Variants in GRIN1 observed in about 807,000 individuals in gnomAD.
The protein encoded by GRIN1 is glutamate ionotropic receptor NMDA type subunit 1, also known as glutamate receptor ionotropic, NMDA 1.
Under a neutral mutation model 103.0 loss-of-function variants are expected in GRIN1, and 38 were observed. The observed-to-expected ratio is 0.37, with a 90% CI of 0.28 to 0.48. The LOEUF (loss-of-function observed/expected upper bound fraction) is 0.48. Ranked by LOEUF, GRIN1 falls within the 20% of genes least tolerant of loss-of-function variation. The probability of loss-of-function intolerance (pLI) is 0.98; values close to 1 mark genes in which losing one functional copy is unlikely to be tolerated. For missense variants in GRIN1, 577 were observed against 1,288.9 expected, an observed-to-expected ratio of 0.45 and a Z score of 8.46; for synonymous variants, 544 against 532.7, an observed-to-expected ratio of 1.02 and a Z score of -0.29.
Position 137,149,098 on chromosome 9 carries a change from C to A in GRIN1, c.660C>A (p.Ile220=). The change falls in exon 4 of 20, where the codon ATC becomes ATA. Residue 220 remains isoleucine (I), a synonymous_variant. Transcript: ENST00000371561. ...AAGAGCTGGAGGCCCGGGTCATCAT[C>A]CTTTCTGCCAGGTGAGGCTGGGCAG... is the stretch of plus-strand genomic sequence containing the variant. ...EAKELEARVI[I]LSASEDDAAT... is the part of the protein sequence containing the mutation. 2 of 1,608,232 alleles carry A rather than the reference C, an allele frequency of 1.2e-6. No homozygotes were observed. The highest frequency in any genetic ancestry group is 1.7e-6 in the Non-Finnish European group (2 of 1,176,208).
rs563334379 is a variant in GRIN1 at position 137,144,518 on chromosome 9, G to A, written c.394-1208G>A. Among the ~76,000 whole-genome samples the A allele has an allele frequency of 2.3e-3, 354 of 152,210 alleles. 1 individual carries two copies. Among genetic ancestry groups the A allele is most frequent in the South Asian group, 7.9e-3 (38 of 4,820 alleles). On this transcript the variant is annotated intron_variant, in intron 2 of 19. Transcript: ENST00000371561. ...AAATACAAAAAAATTAGCCGGGCGTGGTGGCGGGCGCCTGTAGTCTCAGCT... is the reference window on the plus strand; with the variant it reads ...AAATACAAAAAAATTAGCCGGGCGTAGTGGCGGGCGCCTGTAGTCTCAGCT...
At chr9:137,144,480 C>T (rs1361897924) in intron 2 of GRIN1, among the ~76,000 whole-genome samples, 7 of 152,064 alleles carry the variant, frequency 4.6e-5, no homozygotes, top group East Asian at 1.9e-4. Flanking sequence ...CGGTGAAACC[C>T]CATCTCCACT....
intron 4 of GRIN1, among the ~76,000 whole-genome samples, chr9:137,153,678 C>A (rs1336981491): frequency 1.3e-5 from 2 of 152,186 alleles, no homozygotes; most frequent in Admixed American, 1.3e-4. Flanking sequence ...AGCACACATG[C>A]ACATACATCA....
intron 4 of GRIN1, among the ~76,000 whole-genome samples, chr9:137,154,688 G>A (rs897375747): frequency 3.3e-5 from 5 of 151,888 alleles, no homozygotes; most frequent in Non-Finnish European, 7.4e-5. Context: ...CTGACCTCAG[G>A]AGACCTGCCC....
intron 18 of GRIN1, chr9:137,164,328 T>C (rs1468583514): frequency 1.6e-5 from 5 of 303,412 alleles, no homozygotes; most frequent in African/African-American, 8.8e-5. Context: ...TGCTATGTCC[T>C]TGTGCTCCGT....
intron 19 of GRIN1, 65 bp from the exon 20 acceptor site, chr9:137,167,346 T>C (rs1377194001): frequency 4.5e-5 from 59 of 1,297,340 alleles, no homozygotes; most frequent in Non-Finnish European, 6.4e-5. Flanking sequence ...CACTGGGCGC[T>C]GAGGGCTGGG....
At chr9:137,158,887 A>T (rs1170057616) in intron 8 of GRIN1, among the ~76,000 whole-genome samples, 183 bp downstream of exon 8, 1 of 152,202 alleles carries the variant, frequency 6.6e-6, no homozygotes, top group Non-Finnish European at 1.5e-5. Context: ...AGAGAACAGG[A>T]GGGAGGAGAG....
At chr9:137,156,836 C>T in intron 5 of GRIN1, 27 bp from the exon 6 acceptor site, 2 of 1,607,582 alleles carry the variant, frequency 1.2e-6, no homozygotes, top group Non-Finnish European at 1.7e-6. Flanking sequence ...GAGGACCCCA[C>T]GGGCTCTGAG....
At chr9:137,154,134 TG>T (rs1429967596) in intron 4 of GRIN1, among the ~76,000 whole-genome samples, 2 of 141,786 alleles carry the variant, frequency 1.4e-5, no homozygotes, top group Admixed American at 7.1e-5. Context: ...TTTTTTTTTG[TG>T]TGTGTGTGTG....
rs1164133139 is a variant in GRIN1, at chr9:137,163,312, T to C, written c.2315T>C (p.Val772Ala). 6.2e-7 allele frequency: 1 copy of C among 1,613,554 alleles called. No individual in the cohort carries two copies. Among genetic ancestry groups the C allele is most frequent in the Non-Finnish European group, 8.5e-7 (1 of 1,179,910 alleles). Reference sequence around the variant, plus strand: ...AAAGACAGCCCCTGGAAGCAGAACGTCTCCCTGTCCATCCTCAAGTGAGTG... The same window carrying C: ...AAAGACAGCCCCTGGAAGCAGAACGCCTCCCTGTCCATCCTCAAGTGAGTG... ...MRKDSPWKQN[V>A]SLSILKSHEN... Residue 772 changes from valine to alanine, a missense_variant, in exon 16 of 20, where the codon GTC becomes GCC. Physicochemically the swap from Val to Ala is moderately conservative, Grantham distance 64. Around this residue, in one of 9 missense-constraint regions of GRIN1, gnomAD observed 59 missense variants for 161.3 expected, o/e 0.37. Transcript: ENST00000371561.
In GRIN1 at chr9:137,142,018, C is replaced by T. The variant is rs199679287; in HGVS notation, c.264C>T (p.Tyr88=). Residue 88 remains tyrosine, a synonymous_variant, in exon 2 of 20, where the codon TAC becomes TAT. Transcript: ENST00000371561. ...CATGTCTCCTGTGTCCACAGGTCTA[C>T]GCCATCCTAGTTAGCCATCCACCTA... ...VCEDLISSQV[Y]AILVSHPPTP... 7.3e-5 allele frequency: 118 copies of T among 1,614,048 alleles called. 1 individual carries two copies. The South Asian group carries it at 9.4e-4, about 13-fold the overall frequency.
Position 137,146,292 on chromosome 9 carries a change from TC to T in GRIN1, c.570+394del, listed in dbSNP as rs1218287017. ...CAGCAGCCTCCCTCTGGGCAAGGTCTCCCCTGTACACGACCCCCACATACCG... is the reference window on the plus strand; with the variant it reads ...CAGCAGCCTCCCTCTGGGCAAGGTCTCCCTGTACACGACCCCCACATACCG... On this transcript the variant is annotated intron_variant, in intron 3 of 19. Transcript: ENST00000371561. This position sits in a 1 kb window ranked among gnomAD's most constrained non-coding sequence, Gnocchi z 6.7. Among the ~76,000 whole-genome samples, 1 of 144,048 alleles carries T rather than the reference TC, an allele frequency of 6.9e-6. No homozygotes were observed. The highest frequency in any genetic ancestry group is 2.3e-4 in the East Asian group (1 of 4,382). The allele number at this position is 144,048 out of a possible 152,430, so 94.5% of individuals were successfully genotyped here. A position where few individuals can be genotyped will look rare whatever the true frequency, so the allele number is the denominator to read the frequency against.
intron 18 of GRIN1, chr9:137,164,198 G>T (rs1038453989): frequency 1.5e-5 from 7 of 480,580 alleles, no homozygotes; most frequent in Non-Finnish European, 2.3e-5. Context: ...CCATTCCATA[G>T]GAAGGCAATC....
chr9:137,147,576 C>T (rs888794462), intron 3 of GRIN1, among the ~76,000 whole-genome samples: 2 of 152,268 alleles, frequency 1.3e-5, no homozygotes. Flanking sequence ...TGGACTAACC[C>T]TCCCATGCTG....
rs757545919 is a variant in GRIN1, at chr9:137,164,027, T to G, written c.2589+123T>G. The G allele has an allele frequency of 1.5e-5, 18 of 1,198,024 alleles. No homozygotes were observed. In the East Asian group the frequency reaches 3.9e-4, roughly 26 times the overall value. The allele number at this position is 1,198,024 out of a possible 1,614,324, so 74.2% of individuals were successfully genotyped here. ...TGGGCAGGACTGGAGCTAGGAGCCA[T>G]GGCCAGGGGCAGTGGTGAGTGCTCC... On this transcript the variant is annotated intron_variant, in intron 18 of 19. Transcript: ENST00000371561.
intron 2 of GRIN1, 33 bp downstream of exon 2, chr9:137,142,180 C>T (rs911722454): frequency 3.1e-6 from 5 of 1,612,294 alleles, no homozygotes; most frequent in South Asian, 1.1e-5. Context: ...GCCTTCCGGC[C>T]CTCGGCCCCA....
chr9:137,140,644 C>T (rs923347719), intron 1 of GRIN1, among the ~76,000 whole-genome samples: 1 of 152,246 alleles, frequency 6.6e-6, no homozygotes, highest in African/African-American at 2.4e-5. Flanking sequence ...CCCAGAGGCA[C>T]GTGCAAACAT....
rs548423103 is a variant in GRIN1, at chr9:137,167,342, G to A, written c.2701-69G>A. The A allele has an allele frequency of 1.9e-5, 24 of 1,232,190 alleles. No homozygotes were observed. The Admixed American group carries it at 3.2e-4, about 16-fold the overall frequency. The allele number at this position is 1,232,190 out of a possible 1,614,324, so 76.3% of individuals were successfully genotyped here. A position where few individuals can be genotyped will look rare whatever the true frequency, so the allele number is the denominator to read the frequency against. On this transcript the variant is annotated intron_variant, in intron 19 of 19. Coordinates refer to ENST00000371561, the MANE Select transcript of GRIN1 (RefSeq NM_007327.4). ...CCGGTCCGGGCCAGGGCGGCACTGG[G>A]CGCTGAGGGCTGGGGTCCCTGGCGG...
At chr9:137,165,070 G>C (rs1833796972) in intron 18 of GRIN1, 116 bp from the exon 19 acceptor site, 3 of 802,110 alleles carry the variant, frequency 3.7e-6, no homozygotes, top group East Asian at 2.4e-5. Flanking sequence ...AGGGAGGCAG[G>C]CAGGAGCGAG....
Sources: gnomAD v4.1 joint callset for allele counts (sites outside exome capture counted in the v4.1 genomes callset) on GRCh38, gnomAD v4.1.1 for gene constraint, gnomAD v4.1.1 regional missense constraint, Gnocchi (gnomAD v3.1) non-coding constraint, MANE v1.5 for transcripts, NCBI Gene and HGNC (gene_info 2026-07-23, HGNC 2026-07-21) for gene names.